The following NOS1AP variants were observed in gnomAD, a reference collection of about 807,000 sequenced individuals.
NOS1AP encodes the protein carboxyl-terminal PDZ ligand of neuronal nitric oxide synthase protein.
In NOS1AP, 21 loss-of-function variants were observed where a neutral mutation model predicts 56.2. The observed-to-expected ratio is 0.37, with a 90% CI of 0.26 to 0.54. NOS1AP has a LOEUF of 0.54. Among genes scored for constraint, NOS1AP ranks in the 20% least tolerant of loss-of-function variants. The pLI is 0.84. For missense variants in NOS1AP, 522 were observed against 657.8 expected (o/e 0.79, Z 2.26); for synonymous variants, 270 against 274.6 (o/e 0.98, Z 0.17).
At chr1:162,080,443 A>G (rs1169583025) in intron 1 of NOS1AP, among the ~76,000 whole-genome samples, 1 of 152,158 alleles carries the variant, frequency 6.6e-6, no homozygotes, top group Non-Finnish European at 1.5e-5. Flanking sequence ...TGTTTAAATG[A>G]GCAGCGTTGA....
intron 2 of NOS1AP, 107 bp from the exon 3 acceptor site, chr1:162,287,237 C>T: frequency 1.3e-6 from 1 of 785,078 alleles, no homozygotes; most frequent in Admixed American, 1.9e-5. Context: ...GAGCTATTCC[C>T]CACACCTGTC....
chr1:162,328,373 T>C (rs1245507927), intron 4 of NOS1AP, among the ~76,000 whole-genome samples: 1 of 152,126 alleles, frequency 6.6e-6, no homozygotes, highest in Non-Finnish European at 1.5e-5. Context: ...TAAAATAAAC[T>C]TAAGAAAGGA....
At chr1:162,254,785 T>C (rs1653974236) in intron 2 of NOS1AP, among the ~76,000 whole-genome samples, 1 of 152,218 alleles carries the variant, frequency 6.6e-6, no homozygotes, top group Non-Finnish European at 1.5e-5. Flanking sequence ...AACAGGGCAA[T>C]GCATTTTACC....
At chr1:162,149,381 C>T (rs559042916) in intron 1 of NOS1AP, among the ~76,000 whole-genome samples, 2 of 152,244 alleles carry the variant, frequency 1.3e-5, no homozygotes, top group South Asian at 4.1e-4. Context: ...TGCAGAATTG[C>T]TTGAAGTTGA....
At chr1:162,332,433 C>G (rs1465182722) in intron 4 of NOS1AP, among the ~76,000 whole-genome samples, 1 of 152,134 alleles carries the variant, frequency 6.6e-6, no homozygotes, top group Non-Finnish European at 1.5e-5. Flanking sequence ...GTGACCCTGG[C>G]TGCTGGGATA....
Position 162,367,517 on chromosome 1 carries a change from T to C in NOS1AP, c.*50T>C. 1 of 1,502,890 alleles carries C rather than the reference T, an allele frequency of 6.7e-7. No homozygotes were observed. Among genetic ancestry groups the C allele is most frequent in the Non-Finnish European group, 8.9e-7 (1 of 1,124,762 alleles). 93.1% of individuals were successfully genotyped at this position (1,502,890 alleles called of 1,614,324 possible). ...CGGCGGCGTGGCTGGAGGGGCCGTGTCTGGCTGCTGCCCGGGTAGGGGATG... is the reference window on the plus strand; with the variant it reads ...CGGCGGCGTGGCTGGAGGGGCCGTGCCTGGCTGCTGCCCGGGTAGGGGATG... On this transcript the variant is annotated 3_prime_UTR_variant, in exon 10 of 10. Transcript: ENST00000361897. This position sits in a 1 kb window ranked among gnomAD's most constrained non-coding sequence, Gnocchi z 6.5.
At chr1:162,275,819 C>G (rs1358495557) in intron 2 of NOS1AP, among the ~76,000 whole-genome samples, 3 of 152,200 alleles carry the variant, frequency 2.0e-5, no homozygotes, top group Non-Finnish European at 4.4e-5. Context: ...CCAGTAGACT[C>G]CTTCCTGCAC....
Position 162,357,049 on chromosome 1 carries a change from G to A in NOS1AP, c.852G>A (p.Glu284=). The A allele has an allele frequency of 1.9e-6, 3 of 1,613,548 alleles. No individual in the cohort carries two copies. The highest frequency in any genetic ancestry group is 1.7e-6 in the Non-Finnish European group (2 of 1,180,022). Residue 284 remains glutamate (E), a synonymous_variant, in exon 8 of 10, where the codon GAG becomes GAA. Transcript: ENST00000361897. ...SSSKPPGLGT[E]TPLSTHHQMQ... ...CGAAGCCTCCAGGCCTGGGCACAGA[G>A]ACACCGCTGTCCACTCACCACCAGA...
intron 2 of NOS1AP, among the ~76,000 whole-genome samples, chr1:162,253,331 C>T (rs1177588524): frequency 2.0e-5 from 3 of 152,142 alleles, no homozygotes; most frequent in Admixed American, 6.5e-5. Flanking sequence ...AATTATCAGT[C>T]TCTGATATCC....
chr1:162,282,934 A>G (rs1654978082), intron 2 of NOS1AP, among the ~76,000 whole-genome samples: 1 of 152,112 alleles, frequency 6.6e-6, no homozygotes, highest in South Asian at 2.1e-4. Context: ...AGTGAGAAGG[A>G]CTTGGCAAAA....
At chr1:162,081,774 A>ATATATATATATATTTTTTTTTTTTTTT in intron 1 of NOS1AP, among the ~76,000 whole-genome samples, 11 of 44,054 alleles carry the variant, frequency 2.5e-4, no homozygotes, top group East Asian at 5.9e-4. Flanking sequence ...ATATATATAT[A>ATATATATATATATTTTTTTTTTTTTTT]TTTTTTTTTT....
intron 2 of NOS1AP, among the ~76,000 whole-genome samples, chr1:162,273,072 CTG>C (rs899982813): frequency 7.3e-5 from 11 of 151,426 alleles, no homozygotes; most frequent in African/African-American, 2.7e-4. Context: ...GGAGGGGACT[CTG>C]TGTCTGGGAA....
In NOS1AP at chr1:162,239,197, A is replaced by G. The variant is rs75879850; in HGVS notation, c.178-48147A>G. Reference sequence around the variant, plus strand: ...TTTTACTGTAAGAAGATTAGTGAAGACAAATCAGATATGGGCTCCACATGG... The same window carrying G: ...TTTTACTGTAAGAAGATTAGTGAAGGCAAATCAGATATGGGCTCCACATGG... On this transcript the variant is annotated intron_variant, in intron 2 of 9. Coordinates refer to ENST00000361897, the MANE Select transcript of NOS1AP (RefSeq NM_014697.3). Among the ~76,000 whole-genome samples, 412 of 152,330 alleles carry G rather than the reference A, an allele frequency of 2.7e-3. 1 individual carries two copies. Among genetic ancestry groups the G allele is most frequent in the African/African-American group, 9.6e-3 (398 of 41,568 alleles).
chr1:162,343,910 C>A lies in NOS1AP; in HGVS notation c.529C>A (p.Gln177Lys), dbSNP rs773575838. The A allele has an allele frequency of 8.1e-6, 13 of 1,613,972 alleles. No homozygotes were observed. Among genetic ancestry groups the A allele is most frequent in the Non-Finnish European group, 1.7e-6 (2 of 1,180,014 alleles). ...CCACAAGCTGAGCCTGCAGCACACG[C>A]AGCAGAATGCAGATGGCCAGGAAGA... ...VCHKLSLQHTQQNADGQEDGE... is the reference protein window; with the variant it reads ...VCHKLSLQHTKQNADGQEDGE... The change falls in exon 6 of 10, where the codon CAG becomes AAG. Residue 177 changes from glutamine to lysine, a missense_variant. Gln to Lys is a moderately conservative substitution (Grantham distance 53). Transcript: ENST00000361897.
intron 2 of NOS1AP, among the ~76,000 whole-genome samples, chr1:162,184,573 T>C (rs1571108508): frequency 6.6e-6 from 1 of 152,334 alleles, no homozygotes; most frequent in East Asian, 1.9e-4. Context: ...AACTGTGACT[T>C]GGGTGGATTA....
At chr1:162,297,722 G>T (rs1655516536) in intron 3 of NOS1AP, among the ~76,000 whole-genome samples, 1 of 152,134 alleles carries the variant, frequency 6.6e-6, no homozygotes, top group African/African-American at 2.4e-5. Context: ...AAAAAAACAT[G>T]ATAGATATAG....
chr1:162,301,882 G>A (rs1655675450), intron 4 of NOS1AP, among the ~76,000 whole-genome samples: 1 of 152,210 alleles, frequency 6.6e-6, no homozygotes, highest in Non-Finnish European at 1.5e-5. Flanking sequence ...TGGTGGCCCT[G>A]CCTTTTAAAG....
chr1:162,316,201 T>A (rs1264142876), intron 4 of NOS1AP, among the ~76,000 whole-genome samples: 1 of 152,140 alleles, frequency 6.6e-6, no homozygotes, highest in East Asian at 1.9e-4. Context: ...TTGAGAACAG[T>A]GGCAAAAAAT....
chr1:162,107,149 TTGTC>T (rs1232962104), intron 1 of NOS1AP, among the ~76,000 whole-genome samples: 1 of 152,140 alleles, frequency 6.6e-6, no homozygotes, highest in Non-Finnish European at 1.5e-5. Flanking sequence ...AAGATACCAC[TTGTC>T]TAAGAAATAA....
Sources: allele counts gnomAD v4.1 joint callset (sites outside exome capture counted in the v4.1 genomes callset), GRCh38; gene constraint gnomAD v4.1.1; non-coding constraint Gnocchi (gnomAD v3.1); transcripts MANE v1.5; gene names NCBI Gene and HGNC (gene_info 2026-07-23, HGNC 2026-07-21).